The following NIPBL variants were observed in gnomAD, a reference collection of about 807,000 sequenced individuals.
NIPBL encodes NIPBL cohesin loading factor, also known as nipped-B-like protein.
Under a neutral mutation model 321.8 loss-of-function variants are expected in NIPBL, and 19 were observed. The observed-to-expected ratio is 0.06, with a 90% CI of 0.04 to 0.09. The LOEUF is 0.09. Ranked by LOEUF, NIPBL falls within the 10% of genes least tolerant of loss-of-function variation. NIPBL has a pLI of 1.00. For synonymous variants in NIPBL, 1,106 were observed against 1,114.1 expected, an observed-to-expected ratio of 0.99 and a Z score of 0.14; for missense variants, 2,210 against 3,327.0, an observed-to-expected ratio of 0.66 and a Z score of 8.26.
At chr5:36,999,708 T>C (rs1377363264) in intron 11 of NIPBL, among the ~76,000 whole-genome samples, 5 of 150,872 alleles carry the variant, frequency 3.3e-5, no homozygotes, top group Non-Finnish European at 5.9e-5. Flanking sequence ...ATCATGCTTA[T>C]GAAGCGTGCA....
intron 32 of NIPBL, among the ~76,000 whole-genome samples, chr5:37,029,077 T>C (rs1750653803): frequency 6.6e-6 from 1 of 152,198 alleles, no homozygotes; most frequent in South Asian, 2.1e-4. Context: ...AAATACCTCA[T>C]AGGTGGTGTT....
intron 40 of NIPBL, among the ~76,000 whole-genome samples, chr5:37,049,908 T>C (rs886435043): frequency 3.3e-5 from 5 of 152,186 alleles, no homozygotes; most frequent in Admixed American, 3.3e-4. Context: ...GTCTATACCC[T>C]TCAAGATTTT....
At chr5:37,020,899 T>G (rs1375883974) in intron 27 of NIPBL, 22 bp downstream of exon 27, 1 of 1,469,376 alleles carries the variant, frequency 6.8e-7, no homozygotes, top group South Asian at 1.1e-5. Flanking sequence ...AAGAATTCCT[T>G]ATACAGTGAT....
intron 21 of NIPBL, among the ~76,000 whole-genome samples, chr5:37,013,679 C>G (rs1748537081): frequency 6.6e-6 from 1 of 151,844 alleles, no homozygotes. Flanking sequence ...TCCTCACTTC[C>G]TAGATGGGAT....
intron 38 of NIPBL, among the ~76,000 whole-genome samples, chr5:37,047,472 A>G (rs910426243): frequency 1.3e-5 from 2 of 152,210 alleles, no homozygotes; most frequent in Admixed American, 1.3e-4. Context: ...TGAAAATTAC[A>G]TATAGCACAT....
At chr5:37,008,539 G>C in intron 19 of NIPBL, 84 bp from the exon 20 acceptor site, 2 of 763,496 alleles carry the variant, frequency 2.6e-6, no homozygotes, top group South Asian at 1.5e-5. Context: ...CTAAATGGCA[G>C]GTAATTTTTT....
Position 37,036,430 on chromosome 5 carries a change from A to G in NIPBL, c.5914A>G (p.Thr1972Ala). 2 of 1,469,014 alleles carry G rather than the reference A, an allele frequency of 1.4e-6. No individual in the cohort carries two copies. Among genetic ancestry groups the G allele is most frequent in the South Asian group, 1.5e-5 (1 of 66,672 alleles). The allele number at this position is 1,469,014 out of a possible 1,614,324, so 91.0% of individuals were successfully genotyped here. Residue 1972 changes from threonine (T) to alanine (A), a missense_variant, in exon 33 of 47, where the codon ACT becomes GCT. Thr to Ala is a moderately conservative substitution (Grantham distance 58). Around this residue, in one of 14 missense-constraint regions of NIPBL, gnomAD observed 69 missense variants for 100.8 expected, o/e 0.68. Coordinates refer to ENST00000282516, the MANE Select transcript of NIPBL (RefSeq NM_133433.4). ...SSYKPVKKAC[T>A]QLVDNLVEHI... is the part of the protein sequence containing the mutation. ...ATATAAACCTGTGAAGAAAGCTTGTACTCAACTTGTTGATAACCTAGTTGA... is the reference window on the plus strand; with the variant it reads ...ATATAAACCTGTGAAGAAAGCTTGTGCTCAACTTGTTGATAACCTAGTTGA...
chr5:37,006,080 G>A (rs539440706), intron 16 of NIPBL, among the ~76,000 whole-genome samples: 2 of 151,968 alleles, frequency 1.3e-5, no homozygotes, highest in Admixed American at 6.6e-5. Context: ...TCTTAAATTC[G>A]GATAAAGCAC....
At chr5:36,995,512 C>A in intron 10 of NIPBL, 110 bp from the exon 11 acceptor site, 2 of 711,490 alleles carry the variant, frequency 2.8e-6, no homozygotes, top group Non-Finnish European at 2.4e-6. Flanking sequence ...TTAAAATAAA[C>A]AGTTGATTTA....
rs1361730416 is a variant in NIPBL, at chr5:37,064,516, CA to C, written c.8050-9del. On this transcript the variant is annotated splice_polypyrimidine_tract_variant and intron_variant, in intron 46 of 46. Transcript: ENST00000282516. Reference sequence around the variant, plus strand: ...ACACTTGGTCTTTTTTCCCCCCTCCCAATGTTTTAGTCATTGAGAAGGTCAA... The same window carrying C: ...ACACTTGGTCTTTTTTCCCCCCTCCCATGTTTTAGTCATTGAGAAGGTCAA... The C allele has an allele frequency of 1.9e-6, 3 of 1,611,284 alleles. No homozygotes were observed.
At chr5:36,908,210 CT>C (rs1343843914) in intron 1 of NIPBL, among the ~76,000 whole-genome samples, 1 of 152,050 alleles carries the variant, frequency 6.6e-6, no homozygotes. Flanking sequence ...GGAAAAAACT[CT>C]TTTTTGAGGA....
chr5:36,950,105 T>G (rs910193226), intron 1 of NIPBL, among the ~76,000 whole-genome samples: 8 of 152,070 alleles, frequency 5.3e-5, no homozygotes, highest in Non-Finnish European at 1.2e-4. Context: ...CGCCAGTATT[T>G]ATTTCTCCTA....
rs1748960947 is a variant in NIPBL, at chr5:36,921,775, A to T, written c.-79-31843A>T. On this transcript the variant is annotated intron_variant, in intron 1 of 46. Transcript: ENST00000282516. ...ATTGTTGCTTAAAAACTTTAACTGT[A>T]TTGAGTTTTGGTAAATCATAATTCA... is the stretch of plus-strand genomic sequence containing the variant. 2.6e-5 allele frequency among the ~76,000 whole-genome samples: 4 copies of T among 152,172 alleles called. No individual in the cohort carries two copies. The South Asian group carries it at 8.3e-4, about 31-fold the overall frequency.
chr5:37,063,691 C>T lies in NIPBL; in HGVS notation c.7861-99C>T, dbSNP rs1755053898. On this transcript the variant is annotated intron_variant, in intron 45 of 46. Coordinates refer to ENST00000282516, the MANE Select transcript of NIPBL (RefSeq NM_133433.4). ...TTTAGATGATGGCTAACGTCTGTTT[C>T]ACCCACACCAAACTACTGCCATAGA... The T allele has an allele frequency of 1.1e-5, 13 of 1,189,796 alleles. No homozygotes were observed. In the South Asian group the frequency reaches 1.6e-4, roughly 15 times the overall value. 73.7% of individuals were successfully genotyped at this position (1,189,796 alleles called of 1,614,324 possible).
chr5:36,894,852 T>C (rs1481252699), intron 1 of NIPBL, among the ~76,000 whole-genome samples: 2 of 152,206 alleles, frequency 1.3e-5, no homozygotes, highest in African/African-American at 4.8e-5. Context: ...TTTTACCTTA[T>C]TTGTCTTCTC....
intron 11 of NIPBL, among the ~76,000 whole-genome samples, chr5:36,997,162 G>A (rs1305277506): frequency 2.0e-5 from 3 of 151,730 alleles, no homozygotes; most frequent in African/African-American, 7.3e-5. Flanking sequence ...AGAAACATGG[G>A]GCCCAGGAAC....
At chr5:37,013,741 G>A (rs1452239755) in intron 21 of NIPBL, among the ~76,000 whole-genome samples, 2 of 151,988 alleles carry the variant, frequency 1.3e-5, no homozygotes, top group Non-Finnish European at 2.9e-5. Flanking sequence ...GCCAGGCAGA[G>A]AGGCTCCTCA....
intron 1 of NIPBL, among the ~76,000 whole-genome samples, chr5:36,922,134 C>T (rs1212886158): frequency 1.3e-5 from 2 of 151,916 alleles, no homozygotes; most frequent in African/African-American, 2.4e-5. Flanking sequence ...GCGATCTGCC[C>T]GCCTCAGCCT....
At chr5:37,003,720 G>A (rs1191365121) in intron 16 of NIPBL, among the ~76,000 whole-genome samples, 1 of 152,042 alleles carries the variant, frequency 6.6e-6, no homozygotes, top group East Asian at 1.9e-4. Context: ...TTCACATTTC[G>A]TTAATTTGAG....
Sources: gnomAD v4.1 joint callset for allele counts (sites outside exome capture counted in the v4.1 genomes callset) on GRCh38, gnomAD v4.1.1 for gene constraint, gnomAD v4.1.1 regional missense constraint, MANE v1.5 for transcripts, NCBI Gene and HGNC (gene_info 2026-07-23, HGNC 2026-07-21) for gene names.